IQGAP1: variants seen among roughly 807,000 people sequenced by gnomAD.
IQGAP1 encodes ras GTPase-activating-like protein IQGAP1.
A neutral mutation model predicts 215.6 loss-of-function variants in IQGAP1; 66 were observed. The observed-to-expected ratio is 0.31, with a 90% CI of 0.25 to 0.38. IQGAP1 has a LOEUF of 0.38. Among genes scored for constraint, IQGAP1 ranks in the 10% least tolerant of loss-of-function variants. The pLI is 1.00. For synonymous variants in IQGAP1, 772 were observed against 728.7 expected, an observed-to-expected ratio of 1.06 and a Z score of -0.96; for missense variants, 1,712 against 1,997.1, an observed-to-expected ratio of 0.86 and a Z score of 2.72.
chr15:90,427,991 C>T (rs544005428), intron 3 of IQGAP1, among the ~76,000 whole-genome samples: 1 of 152,034 alleles, frequency 6.6e-6, no homozygotes. Context: ...AGGTACTCAG[C>T]CAAAATTAAC....
At chr15:90,422,656 A>ATG (rs1567120963) in intron 2 of IQGAP1, among the ~76,000 whole-genome samples, 2 of 67,500 alleles carry the variant, frequency 3.0e-5, no homozygotes, top group Admixed American at 1.7e-4. Context: ...GTATATATAT[A>ATG]TATGTATATA....
In IQGAP1 at chr15:90,447,246, G is replaced by A. The variant is rs953209211; in HGVS notation, c.914-1327G>A. On this transcript the variant is annotated intron_variant, in intron 9 of 37. Coordinates refer to ENST00000268182, the MANE Select transcript of IQGAP1 (RefSeq NM_003870.4). ...ACCTTGGTATGGTGCTCAGTTGAAT[G>A]GCAGGTATGAATATTAGGAAGAAAT... 2.0e-5 allele frequency among the ~76,000 whole-genome samples: 3 copies of A among 152,176 alleles called. 1 individual carries two copies. In the East Asian group the frequency reaches 5.8e-4, roughly 29 times the overall value.
rs1029479161 is a variant in IQGAP1 at position 90,395,602 on chromosome 15, G to T, written c.155+4729G>T. ...CCCACAGTGCTGGGATTACAGGCGT[G>T]AGCCACTGCGCCCGGCCGGCTAAAG... On this transcript the variant is annotated intron_variant, in intron 2 of 37. Coordinates refer to ENST00000268182, the MANE Select transcript of IQGAP1 (RefSeq NM_003870.4). 3.9e-5 allele frequency among the ~76,000 whole-genome samples: 6 copies of T among 152,252 alleles called. No homozygotes were observed. In the East Asian group the frequency reaches 5.8e-4, roughly 15 times the overall value.
At position 90,473,703 on chromosome 15, in the gene IQGAP1, T is replaced by C; in HGVS notation, c.2350-12T>C. ...GAAGTAATATGTCTTCTGTAACATT[T>C]GACTGTTTCAGTCACAGTGGAGAGG... On this transcript the variant is annotated splice_polypyrimidine_tract_variant and intron_variant, in intron 19 of 37. Transcript: ENST00000268182. 1 of 1,589,016 alleles carries C rather than the reference T, an allele frequency of 6.3e-7. No homozygotes were observed. Among genetic ancestry groups the C allele is most frequent in the Non-Finnish European group, 8.6e-7 (1 of 1,158,472 alleles).
chr15:90,454,459 C>T lies in IQGAP1; in HGVS notation c.1519C>T (p.Gln507Ter). 6.2e-7 allele frequency: 1 copy of T among 1,613,142 alleles called. No individual in the cohort carries two copies. The highest frequency in any genetic ancestry group is 8.5e-7 in the Non-Finnish European group (1 of 1,179,644). The change falls in exon 14 of 38, where the codon CAG (glutamine) becomes TAG (stop). Residue 507 changes from glutamine (Q) to a stop codon, truncating the protein, a stop_gained. Coordinates refer to ENST00000268182, the MANE Select transcript of IQGAP1 (RefSeq NM_003870.4). LOFTEE classifies it high-confidence loss of function. ...YLDELMKLKA[Q>*]AHAENNEFIT... ...CGATGAGTTGATGAAACTGAAGGCTCAGGCACATGCAGAGAATAATGAATT... is the reference window on the plus strand; with the variant it reads ...CGATGAGTTGATGAAACTGAAGGCTTAGGCACATGCAGAGAATAATGAATT...
At chr15:90,446,315 A>T (rs1391793923) in intron 9 of IQGAP1, among the ~76,000 whole-genome samples, 2 of 152,208 alleles carry the variant, frequency 1.3e-5, no homozygotes, top group Non-Finnish European at 2.9e-5. Context: ...TGTCCTATTC[A>T]TATTATTATT....
At chr15:90,456,083 T>A in intron 14 of IQGAP1, 69 bp from the exon 15 acceptor site, 1 of 1,345,086 alleles carries the variant, frequency 7.4e-7, no homozygotes, top group East Asian at 2.4e-5. Flanking sequence ...AGTTAGCATG[T>A]TCCATGATTG....
At chr15:90,465,579 A>G (rs1298268384) in intron 15 of IQGAP1, among the ~76,000 whole-genome samples, 1 of 152,140 alleles carries the variant, frequency 6.6e-6, no homozygotes, top group Non-Finnish European at 1.5e-5. Flanking sequence ...AACATGGCTC[A>G]CTGCAGCCTA....
In IQGAP1 at chr15:90,426,238, T is replaced by A; in HGVS notation, c.284T>A (p.Ile95Asn). ...CCCAAAGTAGTGTCCCTGAAAAAAA[T>A]CTATGATCGAGAACAGACCAGATAC... ...FSPKVVSLKKIYDREQTRYKA... is the reference protein window; with the variant it reads ...FSPKVVSLKKNYDREQTRYKA... The change falls in exon 3 of 38, where the codon ATC becomes AAC. Residue 95 changes from isoleucine to asparagine, a missense_variant. By Grantham distance (149) the Ile-to-Asn change is moderately radical. Transcript: ENST00000268182. The A allele has an allele frequency of 6.2e-7, 1 of 1,603,500 alleles. No homozygotes were observed. Among genetic ancestry groups the A allele is most frequent in the Non-Finnish European group, 8.5e-7 (1 of 1,177,064 alleles).
rs189760691 is a variant in IQGAP1, at chr15:90,455,906, A to G, written c.1613-246A>G. On this transcript the variant is annotated intron_variant, in intron 14 of 37. Coordinates refer to ENST00000268182, the MANE Select transcript of IQGAP1 (RefSeq NM_003870.4). ...TTCATAAAAATCCTCATCGCTTTTA[A>G]GTTAGAGCAATTAAAAATGAAACAA... Among the ~76,000 whole-genome samples the G allele has an allele frequency of 5.3e-5, 8 of 152,336 alleles. 1 individual carries two copies. In the South Asian group the frequency reaches 8.3e-4, roughly 16 times the overall value.
chr15:90,424,539 T>A (rs1965193390), intron 2 of IQGAP1, among the ~76,000 whole-genome samples: 1 of 152,144 alleles, frequency 6.6e-6, no homozygotes, highest in Non-Finnish European at 1.5e-5. Flanking sequence ...GTAGAGTAGA[T>A]TTAAAAGCAA....
chr15:90,462,021 G>A (rs184733860), intron 15 of IQGAP1, among the ~76,000 whole-genome samples: 34 of 148,216 alleles, frequency 2.3e-4, no homozygotes, highest in Non-Finnish European at 2.8e-4. Context: ...AATTAGCCCG[G>A]CATGGTGGTA....
intron 33 of IQGAP1, among the ~76,000 whole-genome samples, chr15:90,490,998 A>G (rs1308051461): frequency 5.9e-5 from 9 of 152,192 alleles, no homozygotes; most frequent in Non-Finnish European, 1.0e-4. Context: ...CTTTTAGTAG[A>G]GACGGTTTCA....
rs368968167 is a variant in IQGAP1 at position 90,487,036 on chromosome 15, C to T, written c.4107C>T (p.Phe1369=). The change falls in exon 32 of 38, where the codon TTC becomes TTT. Residue 1369 remains phenylalanine (F), a synonymous_variant. Coordinates refer to ENST00000268182, the MANE Select transcript of IQGAP1 (RefSeq NM_003870.4). ...TEVSLTLTNK[F]DVPGDENAEM... ...TGTCTCTCACCCTGACCAACAAGTT[C>T]GACGTGCCTGGAGATGAGAATGCAG... 6.8e-6 allele frequency: 11 copies of T among 1,613,914 alleles called. No homozygotes were observed. In the Admixed American group the frequency reaches 1.0e-4, roughly 15 times the overall value.
At chr15:90,431,738 A>G (rs1395403179) in intron 4 of IQGAP1, among the ~76,000 whole-genome samples, 1 of 152,216 alleles carries the variant, frequency 6.6e-6, no homozygotes, top group Non-Finnish European at 1.5e-5. Flanking sequence ...TAACCTAAAA[A>G]TGTATTGTTG....
Position 90,486,052 on chromosome 15 carries a change from C to T in IQGAP1, c.3944C>T (p.Ala1315Val). ...THTLLLDHQD[A>V]IAPEHNDPIH... ...CAGCTCCTGTTGGATCACCAGGATGCCATTGCTCCGGAGCACAATGATCCA... is the reference window on the plus strand; with the variant it reads ...CAGCTCCTGTTGGATCACCAGGATGTCATTGCTCCGGAGCACAATGATCCA... The change falls in exon 31 of 38, where the codon GCC (alanine) becomes GTC (valine). Residue 1315 changes from alanine (A) to valine (V), a missense_variant. Physicochemically the swap from Ala to Val is moderately conservative, Grantham distance 64 (BLOSUM62 0). Coordinates refer to ENST00000268182, the MANE Select transcript of IQGAP1 (RefSeq NM_003870.4). 1 of 1,613,598 alleles carries T rather than the reference C, an allele frequency of 6.2e-7. No homozygotes were observed. Among genetic ancestry groups the T allele is most frequent in the African/African-American group, 1.3e-5 (1 of 74,992 alleles).
At chr15:90,465,354 C>T (rs1223211069) in intron 15 of IQGAP1, among the ~76,000 whole-genome samples, 1 of 152,092 alleles carries the variant, frequency 6.6e-6, no homozygotes, top group Admixed American at 6.6e-5. Context: ...ATATATATAC[C>T]CTGGCCCTTG....
At chr15:90,418,950 A>G (rs1469731031) in intron 2 of IQGAP1, among the ~76,000 whole-genome samples, 1 of 152,106 alleles carries the variant, frequency 6.6e-6, no homozygotes, top group African/African-American at 2.4e-5. Context: ...AGTTTGGACC[A>G]CCCTGGGTAA....
At chr15:90,456,748 C>T (rs1328458423) in intron 15 of IQGAP1, among the ~76,000 whole-genome samples, 3 of 149,080 alleles carry the variant, frequency 2.0e-5, no homozygotes, top group African/African-American at 2.5e-5. Flanking sequence ...ATTAGCTGGG[C>T]GTGGTGGTGC....
Sources: gnomAD v4.1 joint callset for allele counts (sites outside exome capture counted in the v4.1 genomes callset) on GRCh38, gnomAD v4.1.1 for gene constraint, MANE v1.5 for transcripts, NCBI Gene and HGNC (gene_info 2026-07-23, HGNC 2026-07-21) for gene names.